Variants in TBX10 observed in about 807,000 individuals in gnomAD.
TBX10 encodes the protein T-box transcription factor TBX10.
A neutral mutation model predicts 32.4 loss-of-function variants in TBX10; 26 were observed. The ratio of observed to expected loss-of-function variants is 0.80; its 90% CI spans 0.59 to 1.11. TBX10 has a LOEUF of 1.11. TBX10 is among the 50% of genes most tolerant of loss of function. The pLI is 0.00. For missense variants in TBX10, 490 were observed against 494.5 expected, an observed-to-expected ratio of 0.99 and a Z score of 0.09; for synonymous variants, 195 against 203.1, an observed-to-expected ratio of 0.96 and a Z score of 0.34.
At chr11:67,634,054 C>T (rs888421826) in intron 4 of TBX10, 135 bp downstream of exon 4, 41 of 1,314,170 alleles carry the variant, frequency 3.1e-5, no homozygotes, top group Middle Eastern at 2.5e-4. Flanking sequence ...CAGGTGAGCT[C>T]GCCACCCCGG....
Position 67,631,357 on chromosome 11 carries a change from G to A in TBX10, c.*248C>T, listed in dbSNP as rs1855227115. On this transcript the variant is annotated 3_prime_UTR_variant, in exon 8 of 8. Coordinates refer to ENST00000335385, the MANE Select transcript of TBX10 (RefSeq NM_005995.5). ...AGGGAGAGGTAAGGCAGGGTTTTCG[G>A]GAGTTACCCCCAAAGCAAGAGGGCA... 8 of 573,894 alleles carry A rather than the reference G, an allele frequency of 1.4e-5. No homozygotes were observed. The allele number at this position is 573,894 out of a possible 1,614,324, so 35.6% of individuals were successfully genotyped here.
intron 1 of TBX10, 63 bp from the exon 2 acceptor site, chr11:67,635,326 C>A (rs1465584314): frequency 6.2e-7 from 1 of 1,607,156 alleles, no homozygotes; most frequent in Non-Finnish European, 8.5e-7. Context: ...ATCCTTCAGG[C>A]TGCACCTATA....
upstream of TBX10, among the ~76,000 whole-genome samples, chr11:67,641,447 C>A (rs1855404715): frequency 6.6e-6 from 1 of 152,350 alleles, no homozygotes; most frequent in East Asian, 1.9e-4. Flanking sequence ...CCCTGCACAC[C>A]CCTCCCCGGC....
upstream of TBX10, among the ~76,000 whole-genome samples, chr11:67,640,014 A>C (rs535281784): frequency 6.6e-6 from 1 of 152,256 alleles, no homozygotes; most frequent in South Asian, 2.1e-4. Context: ...GTTGGGAGGC[A>C]CAGTGGGAGC....
In TBX10 at chr11:67,633,069, C is replaced by A. The variant is rs527312583; in HGVS notation, c.584G>T (p.Arg195Leu). ...TGGGTCCACGAAGACCACGTGGAAA[C>A]GGGGCTGGTAGCGGTGCATAGAGTT... ...ILNSMHRYQP[R>L]FHVVFVDPRK... The change falls in exon 5 of 8, where the codon CGT becomes CTT. Residue 195 changes from arginine to leucine, a missense_variant. Physicochemically the swap from Arg to Leu is moderately radical, Grantham distance 102. Transcript: ENST00000335385. 10 of 1,613,958 alleles carry A rather than the reference C, an allele frequency of 6.2e-6. No homozygotes were observed. Among genetic ancestry groups the A allele is most frequent in the Non-Finnish European group, 8.5e-6 (10 of 1,179,962 alleles).
At position 67,631,478 on chromosome 11, in the gene TBX10, C is replaced by A; in HGVS notation, c.*127G>T. 1 of 1,297,476 alleles carries A rather than the reference C, an allele frequency of 7.7e-7. No individual in the cohort carries two copies. The highest frequency in any genetic ancestry group is 2.1e-5 in the Admixed American group (1 of 48,052). 80.4% of individuals were successfully genotyped at this position (1,297,476 alleles called of 1,614,324 possible). ...GTGACCCTGGGCAGGTAGCCTCTTT[C>A]TCTAGACTTTCACCTACCCTGCTCT... On this transcript the variant is annotated 3_prime_UTR_variant, in exon 8 of 8. Transcript: ENST00000335385.
chr11:67,635,383 T>C (rs910380827), intron 1 of TBX10, 120 bp from the exon 2 acceptor site: 2 of 1,403,606 alleles, frequency 1.4e-6, no homozygotes, highest in Non-Finnish European at 9.8e-7. Flanking sequence ...GGCTGTGTTC[T>C]CACAGGATCC....
Position 67,631,850 on chromosome 11 carries a change from G to T in TBX10, c.913C>A (p.Leu305Ile). Residue 305 changes from leucine to isoleucine, a missense_variant, in exon 8 of 8, where the codon CTC becomes ATC. Physicochemically the swap from Leu to Ile is conservative, Grantham distance 5. Coordinates refer to ENST00000335385, the MANE Select transcript of TBX10 (RefSeq NM_005995.5). ...SASTSKTPAWLHHQLLPPPEV... is the reference protein window; with the variant it reads ...SASTSKTPAWIHHQLLPPPEV... ...GGTGGGGGCAGCAGCTGATGATGGA[G>T]CCAAGCAGGGGTCTTGGAGGTGGAA... 9 of 1,579,690 alleles carry T rather than the reference G, an allele frequency of 5.7e-6. No individual in the cohort carries two copies. Among genetic ancestry groups the T allele is most frequent in the Non-Finnish European group, 6.9e-6 (8 of 1,162,898 alleles).
chr11:67,639,393 T>TTGCCCGGGGGGCCCCCCCCC, intron 1 of TBX10, 73 bp downstream of exon 1: 1 of 726,926 alleles, frequency 1.4e-6, no homozygotes. Flanking sequence ...CTGTCTTGGT[T>TTGCCCGGGGGGCCCCCCCCC]CCCACCCTGC....
At chr11:67,641,549 C>T (rs1000462975), upstream of TBX10, among the ~76,000 whole-genome samples, 10 of 152,216 alleles carry the variant, frequency 6.6e-5, no homozygotes, top group Non-Finnish European at 5.9e-5. Flanking sequence ...GCCCCCGTAT[C>T]CTTCACACCT....
chr11:67,638,553 C>T (rs150507818), intron 1 of TBX10, among the ~76,000 whole-genome samples: 4,361 of 152,246 alleles, frequency 0.029, 375 homozygotes, highest in Admixed American at 0.18. Flanking sequence ...TGACGGAGGC[C>T]CCCAGGTGGC....
Position 67,639,528 on chromosome 11 carries a change from A to G in TBX10, c.-56T>C. The G allele has an allele frequency of 6.2e-7, 1 of 1,610,882 alleles. No individual in the cohort carries two copies. The highest frequency in any genetic ancestry group is 8.5e-7 in the Non-Finnish European group (1 of 1,178,818). On this transcript the variant is annotated 5_prime_UTR_variant, in exon 1 of 8. Transcript: ENST00000335385. Reference sequence around the variant, plus strand: ...AAACACTGCTTGGCTGGGGCTGGGAACCTGCCTGCTGGAAGGGGTGGTCAC... The same window carrying G: ...AAACACTGCTTGGCTGGGGCTGGGAGCCTGCCTGCTGGAAGGGGTGGTCAC...
intron 1 of TBX10, among the ~76,000 whole-genome samples, chr11:67,636,916 T>C (rs1421648057): frequency 6.6e-6 from 1 of 152,200 alleles, no homozygotes; most frequent in African/African-American, 2.4e-5. Context: ...TCACAATAGC[T>C]GAGAAGTGGA....
chr11:67,639,121 A>G (rs1463093195), intron 1 of TBX10, among the ~76,000 whole-genome samples: 1 of 152,212 alleles, frequency 6.6e-6, no homozygotes, highest in Non-Finnish European at 1.5e-5. Context: ...ACAGCTTGCC[A>G]GAAGCATCGA....
intron 4 of TBX10, among the ~76,000 whole-genome samples, chr11:67,633,814 G>C (rs1422207641): frequency 2.0e-5 from 3 of 152,220 alleles, no homozygotes; most frequent in Non-Finnish European, 4.4e-5. Flanking sequence ...GTGTCTTCTG[G>C]ACCCTGCCTT....
intron 1 of TBX10, among the ~76,000 whole-genome samples, chr11:67,639,064 T>C (rs1170733193): frequency 6.6e-6 from 1 of 152,156 alleles, no homozygotes; most frequent in Non-Finnish European, 1.5e-5. Flanking sequence ...GAGCCTGTCC[T>C]TTGCTCAGTC....
At chr11:67,635,605 A>T (rs1218237373) in intron 1 of TBX10, among the ~76,000 whole-genome samples, 6 of 144,358 alleles carry the variant, frequency 4.2e-5, no homozygotes, top group Non-Finnish European at 7.6e-5. Context: ...CACAAGGCCG[A>T]TGTGAGGATT....
At position 67,635,097 on chromosome 11, in the gene TBX10, C is replaced by A. The variant is rs772103440; in HGVS notation, c.174G>T (p.Lys58Asn). The A allele has an allele frequency of 6.2e-7, 1 of 1,613,882 alleles. No homozygotes were observed. Among genetic ancestry groups the A allele is most frequent in the Non-Finnish European group, 8.5e-7 (1 of 1,180,038 alleles). The part of the protein sequence containing the change: ...AVAEPTGQGP[K>N]NPRVSRVTVQ... Reference sequence around the variant, plus strand: ...CTGTCACTCTGGACACACGTGGGTTCTTGGGGCCCTGCCCAGTGGGCTCGG... The same window carrying A: ...CTGTCACTCTGGACACACGTGGGTTATTGGGGCCCTGCCCAGTGGGCTCGG... The change falls in exon 2 of 8, where the codon AAG becomes AAT. Residue 58 changes from lysine to asparagine, a missense_variant. Coordinates refer to ENST00000335385, the MANE Select transcript of TBX10 (RefSeq NM_005995.5).
At chr11:67,639,880 A>C (rs1398804060), upstream of TBX10, among the ~76,000 whole-genome samples, 1 of 151,996 alleles carries the variant, frequency 6.6e-6, no homozygotes, top group Non-Finnish European at 1.5e-5. Flanking sequence ...AGAGCCCCCC[A>C]GCCATTCCTG....
Sources: allele counts gnomAD v4.1 joint callset (sites outside exome capture counted in the v4.1 genomes callset), GRCh38; gene constraint gnomAD v4.1.1; transcripts MANE v1.5; gene names NCBI Gene and HGNC (gene_info 2026-07-23, HGNC 2026-07-21).